ACSL1: variants seen among roughly 807,000 people sequenced by gnomAD.
ACSL1 encodes acyl-CoA synthetase long chain family member 1.
ACSL1 carries 41 observed loss-of-function variants against 98.4 expected under a neutral mutation model. The ratio of observed to expected loss-of-function variants is 0.42; its 90% CI spans 0.32 to 0.54. The LOEUF (loss-of-function observed/expected upper bound fraction) is 0.54, where lower values mean the gene tolerates loss of function less well. Among genes scored for constraint, ACSL1 ranks in the 20% least tolerant of loss-of-function variants. ACSL1 has a pLI of 0.13. For synonymous variants in ACSL1, 316 were observed against 322.7 expected, an observed-to-expected ratio of 0.98 and a Z score of 0.22; for missense variants, 734 against 883.1, an observed-to-expected ratio of 0.83 and a Z score of 2.14.
In ACSL1 at chr4:184,773,594, C is replaced by T; in HGVS notation, c.841+69G>A. 1 of 1,455,240 alleles carries T rather than the reference C, an allele frequency of 6.9e-7. No homozygotes were observed. The highest frequency in any genetic ancestry group is 9.4e-7 in the Non-Finnish European group (1 of 1,069,420). 90.1% of individuals were successfully genotyped at this position (1,455,240 alleles called of 1,614,324 possible). A position where few individuals can be genotyped will look rare whatever the true frequency, so the allele number is the denominator to read the frequency against. ...GTCTACTGTTAGCTGATAAGTCATC[C>T]AAAAGAGGTAGGGGAGAGTCCAGAC... On this transcript the variant is annotated intron_variant, in intron 9 of 20. Transcript: ENST00000281455. This position sits in a 1 kb window ranked among gnomAD's most constrained non-coding sequence, Gnocchi z 4.3.
At chr4:184,762,065 T>G (rs1762931395) in intron 17 of ACSL1, among the ~76,000 whole-genome samples, 1 of 150,018 alleles carries the variant, frequency 6.7e-6, no homozygotes, top group Admixed American at 6.6e-5. Flanking sequence ...AGGTGGAGGT[T>G]GCAGTGAGCC....
chr4:184,768,807 C>T (rs951918589), intron 11 of ACSL1, among the ~76,000 whole-genome samples: 1 of 152,136 alleles, frequency 6.6e-6, no homozygotes, highest in African/African-American at 2.4e-5. Flanking sequence ...CGGTGGCTTA[C>T]ACCTATAATC....
intron 2 of ACSL1, among the ~76,000 whole-genome samples, chr4:184,799,771 C>A (rs1360455868): frequency 6.6e-6 from 1 of 152,030 alleles, no homozygotes; most frequent in African/African-American, 2.4e-5. Flanking sequence ...ACAGCTTGAG[C>A]CCAGGAGTTT....
intron 1 of ACSL1, among the ~76,000 whole-genome samples, chr4:184,811,391 T>A (rs112692314): frequency 1.3e-5 from 2 of 151,616 alleles, no homozygotes; most frequent in South Asian, 2.1e-4. Context: ...GGATTACAGG[T>A]GTGAGCCACC....
At chr4:184,774,715 C>T (rs1360289983) in intron 7 of ACSL1, among the ~76,000 whole-genome samples, 1 of 152,116 alleles carries the variant, frequency 6.6e-6, no homozygotes. Context: ...TGCCATTGAA[C>T]ACGCCATTGA....
intron 1 of ACSL1, among the ~76,000 whole-genome samples, chr4:184,814,313 A>AG (rs70962522): frequency 6.7e-6 from 1 of 149,956 alleles, no homozygotes; most frequent in Non-Finnish European, 1.5e-5. Context: ...AAAAAAAAAA[A>AG]GGAGAGTGGG....
intron 3 of ACSL1, 174 bp downstream of exon 3, chr4:184,788,443 C>T: frequency 1.4e-6 from 1 of 689,764 alleles, no homozygotes; most frequent in South Asian, 1.5e-5. Context: ...CAGGGAACAT[C>T]TAGAGGGTCC....
chr4:184,768,285 C>T (rs763938284), intron 12 of ACSL1, 31 bp downstream of exon 12: 6 of 1,594,894 alleles, frequency 3.8e-6, no homozygotes, highest in Non-Finnish European at 4.3e-6. Flanking sequence ...AGTCAGTGCT[C>T]AGTCCTGGGA....
At chr4:184,816,291 G>A (rs1041666518) in intron 1 of ACSL1, among the ~76,000 whole-genome samples, 2 of 152,124 alleles carry the variant, frequency 1.3e-5, no homozygotes, top group Non-Finnish European at 2.9e-5. Context: ...GTGAAATAGG[G>A]AAAAGGTTAA....
chr4:184,782,910 G>T (rs1053100578), intron 4 of ACSL1, among the ~76,000 whole-genome samples: 1 of 152,160 alleles, frequency 6.6e-6, no homozygotes, highest in African/African-American at 2.4e-5. Context: ...TGCAGAGAAC[G>T]ATCCCTTCCA....
At position 184,773,010 on chromosome 4, in the gene ACSL1, C is replaced by A; in HGVS notation, c.915+71G>T. On this transcript the variant is annotated intron_variant, in intron 10 of 20. Coordinates refer to ENST00000281455, the MANE Select transcript of ACSL1 (RefSeq NM_001995.5). The surrounding 1 kb of genome is among the most constrained non-coding windows in gnomAD (Gnocchi z 4.3). ...CATGGACCTAACACACTGGTGCCCA[C>A]CTTCAGCACTTTCATTCTCAAGGAC... is the stretch of plus-strand genomic sequence containing the variant. 1.4e-6 allele frequency: 2 copies of A among 1,472,810 alleles called. 1 individual carries two copies. Among genetic ancestry groups the A allele is most frequent in the Middle Eastern group, 3.5e-4 (2 of 5,786 alleles). The allele number at this position is 1,472,810 out of a possible 1,614,324, so 91.2% of individuals were successfully genotyped here.
chr4:184,813,760 G>A (rs1453993897), intron 1 of ACSL1: 2 of 438,532 alleles, frequency 4.6e-6, no homozygotes, highest in South Asian at 1.6e-5. Flanking sequence ...ACCACACCAG[G>A]AGAAGAGAGC....
rs1383581583 is a variant in ACSL1 at position 184,757,688 on chromosome 4, G to A, written c.1903C>T (p.Leu635Phe). 1 of 1,613,922 alleles carries A rather than the reference G, an allele frequency of 6.2e-7. No individual in the cohort carries two copies. Among genetic ancestry groups the A allele is most frequent in the Non-Finnish European group, 8.5e-7 (1 of 1,180,002 alleles). The stretch of plus-strand genomic sequence containing the variant: ...TTCCCAAGTCTCACCATATCTTCGA[G>A]GATAGCTTTTTTGACATCCTAAAAG... ...CRNKDVKKAI[L>F]EDMVRLGKDS... The change falls in exon 20 of 21, where the codon CTC becomes TTC. Residue 635 changes from leucine (L) to phenylalanine (F), a missense_variant. By Grantham distance (22) the Leu-to-Phe change is conservative. Coordinates refer to ENST00000281455, the MANE Select transcript of ACSL1 (RefSeq NM_001995.5). The surrounding 1 kb of genome is among the most constrained non-coding windows in gnomAD (Gnocchi z 4.5).
chr4:184,817,520 A>G (rs1772733990), intron 1 of ACSL1, among the ~76,000 whole-genome samples: 2 of 152,136 alleles, frequency 1.3e-5, no homozygotes, highest in African/African-American at 2.4e-5. Context: ...CCATCTCCTG[A>G]GCAGCCCTGC....
At chr4:184,782,151 T>C (rs561727235) in intron 4 of ACSL1, among the ~76,000 whole-genome samples, 158 of 152,252 alleles carry the variant, frequency 1.0e-3, no homozygotes, top group African/African-American at 3.8e-3. Flanking sequence ...AAAGTCTTGG[T>C]TGCATTTAAG....
In ACSL1 at chr4:184,825,367, TGCCTCTGGCAGCG is replaced by T. The variant is rs1419885869; in HGVS notation, c.-33+536_-33+548del. 2.6e-5 allele frequency: 13 copies of T among 505,872 alleles called. No homozygotes were observed. The East Asian group carries it at 1.8e-3, about 71-fold the overall frequency. The allele number at this position is 505,872 out of a possible 1,614,324, so 31.3% of individuals were successfully genotyped here. The stretch of plus-strand genomic sequence containing the variant: ...CCTCTGGAGTCACCGAGAGAATGTC[TGCCTCTGGCAGCG>T]GCCTCTGAGCTGCCTGTGGGCCTCG... On this transcript the variant is annotated intron_variant, in intron 1 of 20. Coordinates refer to ENST00000281455, the MANE Select transcript of ACSL1 (RefSeq NM_001995.5). The surrounding 1 kb of genome is among the most constrained non-coding windows in gnomAD (Gnocchi z 4.7).
intron 1 of ACSL1, among the ~76,000 whole-genome samples, chr4:184,814,518 T>C (rs750555771): frequency 3.9e-5 from 6 of 152,122 alleles, no homozygotes; most frequent in Non-Finnish European, 8.8e-5. Flanking sequence ...TTCAATTCTA[T>C]GTGGCGAGTC....
At chr4:184,790,414 G>A (rs1298062317) in intron 2 of ACSL1, among the ~76,000 whole-genome samples, 6 of 152,048 alleles carry the variant, frequency 3.9e-5, no homozygotes, top group Non-Finnish European at 8.8e-5. Flanking sequence ...AATATCTACT[G>A]TGTGCTACAT....
chr4:184,806,658 GT>G (rs1448994289), intron 1 of ACSL1, among the ~76,000 whole-genome samples: 1 of 151,832 alleles, frequency 6.6e-6, no homozygotes, highest in Non-Finnish European at 1.5e-5. Flanking sequence ...CACCAAGAAA[GT>G]TTATTAAATC....
Sources: gnomAD v4.1 joint callset for allele counts (sites outside exome capture counted in the v4.1 genomes callset) on GRCh38, gnomAD v4.1.1 for gene constraint, Gnocchi (gnomAD v3.1) non-coding constraint, MANE v1.5 for transcripts, NCBI Gene and HGNC (gene_info 2026-07-23, HGNC 2026-07-21) for gene names.